The following CSTF3 variants were observed in gnomAD, a reference collection of about 807,000 sequenced individuals.
CSTF3 encodes the protein CF-1 77 kDa subunit.
In CSTF3, 29 loss-of-function variants were observed where a neutral mutation model predicts 105.8. The observed-to-expected ratio is 0.27, with a 90% confidence interval of 0.20 to 0.37. CSTF3 has a LOEUF of 0.37. CSTF3 is among the 10% of genes least tolerant of loss of function. The probability of loss-of-function intolerance (pLI) is 1.00; values close to 1 mark genes in which losing one functional copy is unlikely to be tolerated. For synonymous variants in CSTF3, 252 were observed against 281.9 expected (o/e 0.89, Z 1.06); for missense variants, 357 against 879.3 (o/e 0.41, Z 7.51).
chr11:33,141,614 C>T (rs1190557522), intron 3 of CSTF3, 53 bp downstream of exon 3: 1 of 1,556,404 alleles, frequency 6.4e-7, no homozygotes, highest in Non-Finnish European at 8.7e-7. Context: ...TTTTCTATCA[C>T]TACAGTGAAT....
At chr11:33,111,849 C>A (rs1025321821) in intron 3 of CSTF3, among the ~76,000 whole-genome samples, 3 of 152,202 alleles carry the variant, frequency 2.0e-5, no homozygotes, top group Admixed American at 2.0e-4. Flanking sequence ...TTCATTAATG[C>A]AACCAGTAAA....
chr11:33,098,901 A>G, intron 12 of CSTF3, 133 bp downstream of exon 12: 4 of 1,368,582 alleles, frequency 2.9e-6, no homozygotes, highest in Non-Finnish European at 3.9e-6. Flanking sequence ...TAAGCTGACA[A>G]CTAATAACTG....
At chr11:33,114,927 AAAGT>A (rs1180602996) in intron 3 of CSTF3, among the ~76,000 whole-genome samples, 2 of 152,312 alleles carry the variant, frequency 1.3e-5, no homozygotes, top group Admixed American at 6.5e-5. Flanking sequence ...TCTAAAGGAA[AAAGT>A]AAGTCTCTAT....
At chr11:33,161,265 G>C in intron 1 of CSTF3, 34 bp downstream of exon 1, 1 of 1,611,844 alleles carries the variant, frequency 6.2e-7, no homozygotes, top group Non-Finnish European at 8.5e-7. Flanking sequence ...TGGAGAAGAG[G>C]TCGCCACGAG....
At chr11:33,159,320 G>C (rs758149269) in intron 1 of CSTF3, among the ~76,000 whole-genome samples, 50 of 152,056 alleles carry the variant, frequency 3.3e-4, no homozygotes, top group Admixed American at 8.5e-4. Flanking sequence ...ATTAGGCCAG[G>C]TACGGTGGCT....
intron 1 of CSTF3, among the ~76,000 whole-genome samples, chr11:33,146,253 A>G (rs946972397): frequency 7.1e-6 from 1 of 140,982 alleles, no homozygotes; most frequent in African/African-American, 2.6e-5. Context: ...AAAAAAAAAG[A>G]AAAAAAGAAA....
At chr11:33,158,530 T>C (rs1188824508) in intron 1 of CSTF3, among the ~76,000 whole-genome samples, 3 of 152,184 alleles carry the variant, frequency 2.0e-5, no homozygotes, top group African/African-American at 7.2e-5. Context: ...GATTTATCAA[T>C]TGATAACTAG....
chr11:33,090,255 C>T (rs1010199164), intron 17 of CSTF3, among the ~76,000 whole-genome samples: 1 of 152,116 alleles, frequency 6.6e-6, no homozygotes, highest in Non-Finnish European at 1.5e-5. Context: ...CTCCACACTC[C>T]CTCCATCTTG....
intron 3 of CSTF3, among the ~76,000 whole-genome samples, chr11:33,109,048 G>C (rs1373675506): frequency 6.6e-6 from 1 of 152,176 alleles, no homozygotes; most frequent in Non-Finnish European, 1.5e-5. Context: ...AAAAGACTTA[G>C]ACTTGGGGAA....
At chr11:33,140,337 C>CT (rs1554952107) in intron 3 of CSTF3, among the ~76,000 whole-genome samples, 1 of 151,962 alleles carries the variant, frequency 6.6e-6, no homozygotes, top group African/African-American at 2.4e-5. Flanking sequence ...GGTGATGAAA[C>CT]TTTAAGGTAT....
intron 3 of CSTF3, among the ~76,000 whole-genome samples, chr11:33,123,165 C>A: frequency 6.6e-6 from 1 of 150,616 alleles, no homozygotes; most frequent in African/African-American, 2.4e-5. Context: ...CTTAACTTCC[C>A]TAATGTGCTC....
At chr11:33,124,693 G>T (rs555569813) in intron 3 of CSTF3, among the ~76,000 whole-genome samples, 1 of 152,106 alleles carries the variant, frequency 6.6e-6, no homozygotes, top group Non-Finnish European at 1.5e-5. Context: ...AAATGAGCTT[G>T]TAATTTAATA....
At chr11:33,114,884 A>G (rs1207197016) in intron 3 of CSTF3, among the ~76,000 whole-genome samples, 2 of 152,114 alleles carry the variant, frequency 1.3e-5, no homozygotes, top group Non-Finnish European at 2.9e-5. Context: ...AACCTGACAT[A>G]ACTCTATAGA....
At chr11:33,152,649 G>T (rs948329649) in intron 1 of CSTF3, among the ~76,000 whole-genome samples, 1 of 152,144 alleles carries the variant, frequency 6.6e-6, no homozygotes, top group African/African-American at 2.4e-5. Flanking sequence ...GTAAAGGATT[G>T]CTTCACATTC....
intron 3 of CSTF3, among the ~76,000 whole-genome samples, chr11:33,113,205 CAAAATAAATAAATAAA>C (rs1319431005): frequency 2.4e-4 from 26 of 109,888 alleles, no homozygotes; most frequent in African/African-American, 9.2e-4. Context: ...GACTTTGTCT[CAAAATAAATAAATAAA>C]TAAATAAATA....
intron 3 of CSTF3, among the ~76,000 whole-genome samples, chr11:33,128,494 A>G (rs968684149): frequency 3.9e-5 from 6 of 152,150 alleles, no homozygotes; most frequent in Admixed American, 2.0e-4. Context: ...ATTATAAATG[A>G]TATCTCAACT....
intron 1 of CSTF3, among the ~76,000 whole-genome samples, chr11:33,144,203 G>T (rs935387263): frequency 6.6e-6 from 1 of 151,626 alleles, no homozygotes; most frequent in East Asian, 1.9e-4. Context: ...TTTAAAAAAA[G>T]TATCTGTTCA....
intron 1 of CSTF3, among the ~76,000 whole-genome samples, chr11:33,150,089 C>G (rs1855839220): frequency 6.6e-6 from 1 of 151,546 alleles, no homozygotes; most frequent in Non-Finnish European, 1.5e-5. Context: ...GTGGCAGGCC[C>G]CTGTAATCCC....
intron 1 of CSTF3, among the ~76,000 whole-genome samples, chr11:33,143,123 A>G (rs1400060046): frequency 2.6e-5 from 4 of 152,238 alleles, no homozygotes; most frequent in Admixed American, 2.6e-4. Flanking sequence ...TTTTAAAAAC[A>G]CAATTCACAA....
Sources: allele counts gnomAD v4.1 joint callset (sites outside exome capture counted in the v4.1 genomes callset), GRCh38; gene constraint gnomAD v4.1.1; transcripts MANE v1.5; gene names NCBI Gene and HGNC (gene_info 2026-07-23, HGNC 2026-07-21).